The following UIMC1 variants were observed in gnomAD, a reference collection of about 807,000 sequenced individuals.
UIMC1 encodes the protein BRCA1-A complex subunit RAP80.
A neutral mutation model predicts 84.9 loss-of-function variants in UIMC1; 42 were observed. The ratio of observed to expected loss-of-function variants is 0.49; its 90% CI spans 0.39 to 0.64. The LOEUF (loss-of-function observed/expected upper bound fraction) is 0.64. Ranked by LOEUF, UIMC1 falls within the 30% of genes least tolerant of loss-of-function variation. The pLI is 0.00. For synonymous variants in UIMC1, 281 were observed against 293.0 expected (o/e 0.96, Z 0.42); for missense variants, 825 against 847.6 (o/e 0.97, Z 0.33).
chr5:176,910,910 A>G (rs1242494623), intron 11 of UIMC1, among the ~76,000 whole-genome samples: 1 of 151,990 alleles, frequency 6.6e-6, no homozygotes, highest in Non-Finnish European at 1.5e-5. Context: ...ACCAACATGG[A>G]GAAACCCCGC....
chr5:177,016,639 C>T (rs913008093), intron 1 of UIMC1, among the ~76,000 whole-genome samples: 14 of 144,598 alleles, frequency 9.7e-5, no homozygotes, highest in African/African-American at 3.1e-4. Context: ...TGCAGTCAGC[C>T]GAGGTTGCAG....
At chr5:176,909,188 T>A (rs2962845) in intron 11 of UIMC1, among the ~76,000 whole-genome samples, 41,693 of 152,104 alleles carry the variant, frequency 0.27, 5,756 homozygotes, top group Middle Eastern at 0.35. Context: ...ATCTGCAACA[T>A]CAACTAAGAA....
At chr5:176,979,108 G>T (rs966608770) in intron 2 of UIMC1, among the ~76,000 whole-genome samples, 1 of 152,102 alleles carries the variant, frequency 6.6e-6, no homozygotes, top group African/African-American at 2.4e-5. Context: ...GAAAAACAGA[G>T]ACACACCCAT....
Position 176,975,378 on chromosome 5 carries a change from A to T in UIMC1, c.232+18T>A. The T allele has an allele frequency of 6.2e-7, 1 of 1,612,468 alleles. No individual in the cohort carries two copies. Among genetic ancestry groups the T allele is most frequent in the East Asian group, 2.2e-5 (1 of 44,848 alleles). On this transcript the variant is annotated intron_variant, in intron 3 of 14. Coordinates refer to ENST00000511320, the MANE Select transcript of UIMC1 (RefSeq NM_001199298.2). ...CTATTACAATTCCCAAACCATTATC[A>T]ACAAAATGAAAACATACGTGCGATT...
chr5:176,947,941 C>T (rs927279152), intron 9 of UIMC1, among the ~76,000 whole-genome samples: 2 of 151,942 alleles, frequency 1.3e-5, no homozygotes, highest in Non-Finnish European at 2.9e-5. Context: ...CACCTCACTT[C>T]AAGAGAAATG....
At chr5:177,016,893 G>A (rs888617710) in intron 1 of UIMC1, among the ~76,000 whole-genome samples, 9 of 150,076 alleles carry the variant, frequency 6.0e-5, no homozygotes, top group Non-Finnish European at 7.4e-5. Flanking sequence ...CATGGTGGCG[G>A]GTGCCTCTAG....
At chr5:176,927,378 C>T (rs923827281) in intron 10 of UIMC1, among the ~76,000 whole-genome samples, 3 of 151,790 alleles carry the variant, frequency 2.0e-5, no homozygotes, top group Non-Finnish European at 2.9e-5. Flanking sequence ...CTCAGCCTCC[C>T]GAGTAGCTGA....
intron 13 of UIMC1, 103 bp from the exon 14 acceptor site, chr5:176,906,150 A>T: frequency 1.9e-6 from 2 of 1,061,300 alleles, no homozygotes; most frequent in Admixed American, 1.9e-5. Context: ...GCTTCTCATC[A>T]GGCCTATCCA....
upstream of UIMC1, among the ~76,000 whole-genome samples, chr5:177,007,627 A>G (rs1481049987): frequency 6.6e-6 from 1 of 152,262 alleles, no homozygotes; most frequent in East Asian, 1.9e-4. Context: ...AATGATTTAT[A>G]TAAATTTAAA....
chr5:176,905,863 CAG>C (rs1219293001), intron 14 of UIMC1, 146 bp downstream of exon 14: 2 of 796,270 alleles, frequency 2.5e-6, no homozygotes, highest in Non-Finnish European at 4.1e-6. Context: ...ATGGGGAGCA[CAG>C]AGTCATACTG....
intron 6 of UIMC1, among the ~76,000 whole-genome samples, chr5:176,964,309 T>C (rs1034234134): frequency 3.3e-5 from 5 of 152,236 alleles, no homozygotes; most frequent in African/African-American, 1.2e-4. Flanking sequence ...AAAGGTACAA[T>C]TATTTGTTGG....
intron 9 of UIMC1, among the ~76,000 whole-genome samples, chr5:176,949,747 T>C (rs967175219): frequency 1.4e-4 from 21 of 152,294 alleles, no homozygotes; most frequent in Non-Finnish European, 2.6e-4. Flanking sequence ...AGGATCTAAC[T>C]TCTATTGTAA....
chr5:177,018,462 A>C (rs1775721043), intron 1 of UIMC1, among the ~76,000 whole-genome samples: 1 of 152,226 alleles, frequency 6.6e-6, no homozygotes, highest in African/African-American at 2.4e-5. Context: ...ATACAGAGTC[A>C]GTATTTAAGC....
intron 9 of UIMC1, 32 bp downstream of exon 9, chr5:176,951,442 C>A: frequency 2.7e-6 from 4 of 1,459,246 alleles, no homozygotes; most frequent in Admixed American, 2.5e-5. Flanking sequence ...GGAAAGAAAC[C>A]ACTGAGAAAA....
upstream of UIMC1, among the ~76,000 whole-genome samples, chr5:177,011,104 T>C (rs1472661662): frequency 1.3e-5 from 2 of 151,336 alleles, no homozygotes; most frequent in Non-Finnish European, 2.9e-5. Flanking sequence ...GGTGGGAGGA[T>C]AGCTTGAGCC....
chr5:176,909,550 TA>T (rs1014492834), intron 11 of UIMC1, among the ~76,000 whole-genome samples: 9 of 152,074 alleles, frequency 5.9e-5, no homozygotes, highest in South Asian at 4.1e-4. Flanking sequence ...TTTAAGAAGC[TA>T]AAAAAATTTT....
At chr5:176,955,877 T>G in intron 8 of UIMC1, 82 bp downstream of exon 8, 1 of 1,361,094 alleles carries the variant, frequency 7.3e-7, no homozygotes, top group African/African-American at 1.4e-5. Flanking sequence ...GAGAGTAGGT[T>G]TGAAGAGTCA....
chr5:176,997,650 A>C (rs1402894900), intron 1 of UIMC1, among the ~76,000 whole-genome samples: 1 of 141,774 alleles, frequency 7.1e-6, no homozygotes, highest in East Asian at 2.1e-4. Flanking sequence ...GCACCACTGC[A>C]CTCCAGTCTG....
At chr5:176,928,496 G>A (rs1762665479) in intron 10 of UIMC1, among the ~76,000 whole-genome samples, 1 of 152,082 alleles carries the variant, frequency 6.6e-6, no homozygotes, top group Non-Finnish European at 1.5e-5. Context: ...AACTTCTTGG[G>A]GTTTGACTCT....
Sources: gnomAD v4.1 joint callset for allele counts (sites outside exome capture counted in the v4.1 genomes callset) on GRCh38, gnomAD v4.1.1 for gene constraint, MANE v1.5 for transcripts, NCBI Gene and HGNC (gene_info 2026-07-23, HGNC 2026-07-21) for gene names.